NEGR1: variants seen among roughly 807,000 people sequenced by gnomAD.
NEGR1 encodes the protein neuronal growth regulator 1.
Under a neutral mutation model 40.9 loss-of-function variants are expected in NEGR1, and 10 were observed. The ratio of observed to expected loss-of-function variants is 0.24; its 90% CI spans 0.15 to 0.42. NEGR1 has a LOEUF of 0.42. Ranked by LOEUF, NEGR1 falls within the 10% of genes least tolerant of loss-of-function variation. The pLI is 1.00. For synonymous variants in NEGR1, 185 were observed against 166.8 expected (o/e 1.11, Z -0.84); for missense variants, 352 against 438.9 (o/e 0.80, Z 1.77).
intron 1 of NEGR1, among the ~76,000 whole-genome samples, chr1:72,259,485 AT>A (rs1480344455): frequency 6.6e-6 from 1 of 152,026 alleles, no homozygotes; most frequent in East Asian, 1.9e-4. Context: ...CTGAAGAAAT[AT>A]TTTTTTGGTT....
At chr1:72,217,364 C>T (rs1387038624) in intron 1 of NEGR1, among the ~76,000 whole-genome samples, 2 of 151,604 alleles carry the variant, frequency 1.3e-5, no homozygotes, top group African/African-American at 4.8e-5. Context: ...TTTTCAGAGC[C>T]TTTTATAATA....
At chr1:72,054,656 G>C (rs1385160491) in intron 1 of NEGR1, among the ~76,000 whole-genome samples, 1 of 151,044 alleles carries the variant, frequency 6.6e-6, no homozygotes, top group African/African-American at 2.4e-5. Flanking sequence ...TCCACCAAAA[G>C]CACATGGTAT....
chr1:71,676,359 C>A (rs1652636322), intron 4 of NEGR1, among the ~76,000 whole-genome samples: 1 of 142,088 alleles, frequency 7.0e-6, no homozygotes. Flanking sequence ...CTATTATCGT[C>A]TGGTAAAAAA....
intron 1 of NEGR1, among the ~76,000 whole-genome samples, chr1:71,942,452 A>AATCTATATATATATATATATAT (rs1553123452): frequency 2.0e-3 from 68 of 34,252 alleles, no homozygotes; most frequent in African/African-American, 6.1e-3. Context: ...AAATTCTTTA[A>AATCTATATATATATATATATAT]ATCTATATAT....
At position 72,062,704 on chromosome 1, in the gene NEGR1, A is replaced by G. The variant is rs1647197831; in HGVS notation, c.177-127393T>C. On this transcript the variant is annotated intron_variant, in intron 1 of 6. Coordinates refer to ENST00000357731, the MANE Select transcript of NEGR1 (RefSeq NM_173808.3). ...TTGCATATAGCTTTCTAATCTAAGG[A>G]AAGTACAGACTAGCTGGTACTCCAG... 2.0e-5 allele frequency among the ~76,000 whole-genome samples: 3 copies of G among 151,928 alleles called. No individual in the cohort carries two copies. In the South Asian group the frequency reaches 6.2e-4, roughly 31 times the overall value.
chr1:71,529,263 T>A (rs943831340), intron 6 of NEGR1, among the ~76,000 whole-genome samples: 1 of 151,246 alleles, frequency 6.6e-6, no homozygotes, highest in Non-Finnish European at 1.5e-5. Flanking sequence ...TGAATCTATA[T>A]GAAGCTAAGT....
intron 1 of NEGR1, among the ~76,000 whole-genome samples, chr1:72,165,933 G>C (rs1162319558): frequency 6.6e-6 from 1 of 151,910 alleles, no homozygotes; most frequent in Non-Finnish European, 1.5e-5. Context: ...ATTTTTATTT[G>C]TCTGTCTTAG....
chr1:72,039,398 A>T (rs1646932512), intron 1 of NEGR1, among the ~76,000 whole-genome samples: 1 of 151,930 alleles, frequency 6.6e-6, no homozygotes, highest in Non-Finnish European at 1.5e-5. Context: ...AAGTCCAGAG[A>T]AAAGACCCTG....
chr1:71,961,199 T>A (rs1302369347), intron 1 of NEGR1, among the ~76,000 whole-genome samples: 3 of 152,178 alleles, frequency 2.0e-5, no homozygotes, highest in Non-Finnish European at 2.9e-5. Flanking sequence ...CTAAGTAAAG[T>A]GCCCATTAAT....
In NEGR1 at chr1:71,720,557, A is replaced by G. The variant is rs561142142; in HGVS notation, c.536-22418T>C. 3.9e-5 allele frequency among the ~76,000 whole-genome samples: 6 copies of G among 152,288 alleles called. No individual in the cohort carries two copies. The South Asian group carries it at 1.2e-3, about 32-fold the overall frequency. ...ATATGCTCAAACGGAGAAGTAACAC[A>G]TATAAACCTGTTGGTACTTTTTTCC... On this transcript the variant is annotated intron_variant, in intron 3 of 6. Coordinates refer to ENST00000357731, the MANE Select transcript of NEGR1 (RefSeq NM_173808.3).
At chr1:71,646,580 G>A (rs1441520407) in intron 4 of NEGR1, among the ~76,000 whole-genome samples, 1 of 151,792 alleles carries the variant, frequency 6.6e-6, no homozygotes, top group African/African-American at 2.4e-5. Context: ...GTACCAGAGA[G>A]CAAGACAATC....
chr1:71,722,903 T>C (rs1570260206), intron 3 of NEGR1, among the ~76,000 whole-genome samples: 1 of 152,118 alleles, frequency 6.6e-6, no homozygotes, highest in African/African-American at 2.4e-5. Flanking sequence ...TATTTCCCTT[T>C]TGTTCCTCTC....
chr1:71,764,987 G>A (rs1656071647), intron 3 of NEGR1, among the ~76,000 whole-genome samples: 1 of 151,812 alleles, frequency 6.6e-6, no homozygotes, highest in Admixed American at 6.6e-5. Flanking sequence ...TGGTTGGACC[G>A]AGAAGAAGCT....
chr1:71,681,996 T>C lies in NEGR1; in HGVS notation c.667+16012A>G, dbSNP rs151137629. On this transcript the variant is annotated intron_variant, in intron 4 of 6. Coordinates refer to ENST00000357731, the MANE Select transcript of NEGR1 (RefSeq NM_173808.3). ...CATGAGCCACCACGACTGGCTAACT[T>C]TTGTATTTTTAGTAGAGATGGGGTT... Among the ~76,000 whole-genome samples, 671 of 152,212 alleles carry C rather than the reference T, an allele frequency of 4.4e-3. 1 individual carries two copies. The highest frequency in any genetic ancestry group is 7.6e-3 in the Non-Finnish European group (517 of 68,016).
At chr1:71,742,109 C>T (rs1655231145) in intron 3 of NEGR1, among the ~76,000 whole-genome samples, 1 of 152,106 alleles carries the variant, frequency 6.6e-6, no homozygotes, top group African/African-American at 2.4e-5. Context: ...GATTAGTGCA[C>T]TTATGAAAAG....
chr1:72,135,154 A>C (rs1369235844), intron 1 of NEGR1, among the ~76,000 whole-genome samples: 3 of 150,720 alleles, frequency 2.0e-5, no homozygotes, highest in Non-Finnish European at 4.4e-5. Flanking sequence ...AGATGGGAGG[A>C]TCACGAGGTC....
At chr1:71,805,799 T>A (rs1025842314) in intron 2 of NEGR1, among the ~76,000 whole-genome samples, 1 of 152,180 alleles carries the variant, frequency 6.6e-6, no homozygotes, top group Non-Finnish European at 1.5e-5. Flanking sequence ...TTATTCATGT[T>A]CTCAGTAATA....
At chr1:71,531,727 C>A (rs1647360533) in intron 6 of NEGR1, among the ~76,000 whole-genome samples, 1 of 151,244 alleles carries the variant, frequency 6.6e-6, no homozygotes, top group African/African-American at 2.4e-5. Flanking sequence ...ATAGACCACT[C>A]AATATGTTTC....
In NEGR1 at chr1:72,252,228, G is replaced by A. The variant is rs148226528; in HGVS notation, c.176+30091C>T. ...CTCGGCTAATTTTGTATTTTGAGTAGAGACAGGATTTCTCCATGTGGGTCA... is the reference window on the plus strand; with the variant it reads ...CTCGGCTAATTTTGTATTTTGAGTAAAGACAGGATTTCTCCATGTGGGTCA... On this transcript the variant is annotated intron_variant, in intron 1 of 6. Coordinates refer to ENST00000357731, the MANE Select transcript of NEGR1 (RefSeq NM_173808.3). Among the ~76,000 whole-genome samples, 5 of 143,236 alleles carry A rather than the reference G, an allele frequency of 3.5e-5. No individual in the cohort carries two copies. In the East Asian group the frequency reaches 9.7e-4, roughly 28 times the overall value. 94.0% of individuals were successfully genotyped at this position (143,236 alleles called of 152,430 possible).
Sources: allele counts gnomAD v4.1 joint callset (sites outside exome capture counted in the v4.1 genomes callset), GRCh38; gene constraint gnomAD v4.1.1; transcripts MANE v1.5; gene names NCBI Gene and HGNC (gene_info 2026-07-23, HGNC 2026-07-21).